Variants in CSMD2 observed in about 807,000 individuals in gnomAD.
CSMD2 encodes the protein CUB and sushi domain-containing protein 2.
A neutral mutation model predicts 398.5 loss-of-function variants in CSMD2; 130 were observed. The observed-to-expected ratio is 0.33, with a 90% CI of 0.28 to 0.38. The LOEUF (loss-of-function observed/expected upper bound fraction) is 0.38, where lower values mean the gene tolerates loss of function less well. Ranked by LOEUF, CSMD2 falls within the 10% of genes least tolerant of loss-of-function variation. The probability of loss-of-function intolerance (pLI) is 1.00; values close to 1 mark genes in which losing one functional copy is unlikely to be tolerated. For synonymous variants in CSMD2, 1,828 were observed against 1,908.5 expected (o/e 0.96, Z 1.10); for missense variants, 3,829 against 4,764.9 (o/e 0.80, Z 5.78).
At chr1:33,607,900 G>T (rs1168520308) in intron 41 of CSMD2, among the ~76,000 whole-genome samples, 1 of 152,210 alleles carries the variant, frequency 6.6e-6, no homozygotes, top group South Asian at 2.1e-4. Flanking sequence ...CCAACTCCTG[G>T]TGGAGGAGCT....
rs978947366 is a variant in CSMD2 at position 33,667,959 on chromosome 1, A to C, written c.4053-4867T>G. ...GCAATAACCCCCCAGACACAAACTC[A>C]CTAAAAAATTATCAGCTGTGTCTAG... On this transcript the variant is annotated intron_variant, in intron 25 of 70. Coordinates refer to ENST00000373381, the MANE Select transcript of CSMD2 (RefSeq NM_001281956.2). Among the ~76,000 whole-genome samples the C allele has an allele frequency of 2.5e-4, 38 of 152,188 alleles. No homozygotes were observed. In the South Asian group the frequency reaches 4.1e-3, roughly 17 times the overall value.
chr1:33,761,765 AACAAT>A (rs1649844558), intron 13 of CSMD2, among the ~76,000 whole-genome samples: 1 of 152,198 alleles, frequency 6.6e-6, no homozygotes, highest in Non-Finnish European at 1.5e-5. Context: ...AAGACTGGAA[AACAAT>A]ACATGCTGAT....
chr1:33,524,933 T>C lies in CSMD2; in HGVS notation c.10345A>G (p.Lys3449Glu). Reference protein sequence around the residue: ...RVTGFQVANSKVNATMIDHSG... With the variant: ...RVTGFQVANSEVNATMIDHSG... ...TGGTCGATCATGGTGGCATTGACCT[T>C]GCTGTTGGCAACTTGGAAGCCAGTC... Residue 3449 changes from lysine (K) to glutamate (E), a missense_variant, in exon 66 of 71, where the codon AAG (lysine) becomes GAG (glutamate). Coordinates refer to ENST00000373381, the MANE Select transcript of CSMD2 (RefSeq NM_001281956.2). The C allele has an allele frequency of 1.2e-6, 2 of 1,614,222 alleles. No homozygotes were observed. The highest frequency in any genetic ancestry group is 1.7e-6 in the Non-Finnish European group (2 of 1,180,024).
intron 3 of CSMD2, among the ~76,000 whole-genome samples, chr1:33,937,530 T>C (rs1196115999): frequency 1.3e-5 from 2 of 152,210 alleles, no homozygotes; most frequent in Admixed American, 1.3e-4. Flanking sequence ...CCTGCCAATG[T>C]TGCTGTTAGT....
At chr1:33,655,275 TTTGGGCC>T (rs1643913390) in intron 27 of CSMD2, among the ~76,000 whole-genome samples, 1 of 152,186 alleles carries the variant, frequency 6.6e-6, no homozygotes, top group East Asian at 1.9e-4. Flanking sequence ...GCTGTGTGAG[TTTGGGCC>T]AGCTGTCCAC....
chr1:34,114,041 C>T (rs1029179938), intron 1 of CSMD2, among the ~76,000 whole-genome samples: 16 of 152,136 alleles, frequency 1.1e-4, no homozygotes, highest in African/African-American at 3.1e-4. Context: ...TGCCTGGGGG[C>T]CATGGAGAAC....
chr1:33,534,184 G>A (rs1389304957), intron 62 of CSMD2, among the ~76,000 whole-genome samples: 1 of 152,140 alleles, frequency 6.6e-6, no homozygotes, highest in African/African-American at 2.4e-5. Flanking sequence ...CTGGATCCGA[G>A]TTCTGGCTTC....
At chr1:33,944,752 GAACAGCCGGGCT>G (rs1411259432) in intron 3 of CSMD2, among the ~76,000 whole-genome samples, 1 of 152,138 alleles carries the variant, frequency 6.6e-6, no homozygotes, top group Non-Finnish European at 1.5e-5. Context: ...GGAAACTGAG[GAACAGCCGGGCT>G]AACTCTTACC....
In CSMD2 at chr1:33,638,944, G is replaced by A. The variant is rs141226990; in HGVS notation, c.4775-2390C>T. On this transcript the variant is annotated intron_variant, in intron 29 of 70. Transcript: ENST00000373381. ...GAATATAGATTTCAGAAGGGCAGCT[G>A]TTCAGTTTTGTTCACGGCCATATTC... Among the ~76,000 whole-genome samples the A allele has an allele frequency of 4.6e-5, 7 of 152,314 alleles. No individual in the cohort carries two copies. In the East Asian group the frequency reaches 1.2e-3, roughly 25 times the overall value.
intron 3 of CSMD2, among the ~76,000 whole-genome samples, chr1:33,985,563 G>A (rs778067966): frequency 8.5e-5 from 13 of 152,230 alleles, no homozygotes; most frequent in Non-Finnish European, 1.8e-4. Context: ...AAACGTACCC[G>A]AGTGTGAATC....
At chr1:33,698,006 G>C (rs948016091) in intron 24 of CSMD2, among the ~76,000 whole-genome samples, 1 of 152,212 alleles carries the variant, frequency 6.6e-6, no homozygotes, top group Non-Finnish European at 1.5e-5. Context: ...TGGAGAGAGA[G>C]ACAGATCTGG....
At chr1:33,904,078 T>A (rs1570453493) in intron 5 of CSMD2, among the ~76,000 whole-genome samples, 1 of 152,036 alleles carries the variant, frequency 6.6e-6, no homozygotes, top group Non-Finnish European at 1.5e-5. Flanking sequence ...CAATGTAGGG[T>A]CTTGTAGGAT....
intron 3 of CSMD2, among the ~76,000 whole-genome samples, chr1:33,979,927 T>C (rs1646104527): frequency 6.6e-6 from 1 of 152,152 alleles, no homozygotes; most frequent in South Asian, 2.1e-4. Flanking sequence ...AGATTGACTA[T>C]TGTTATTTTT....
chr1:33,622,660 T>C (rs373142524), intron 36 of CSMD2, among the ~76,000 whole-genome samples: 7 of 152,228 alleles, frequency 4.6e-5, no homozygotes, highest in East Asian at 3.9e-4. Flanking sequence ...CCTAGAGTTC[T>C]GGGCCTAAAA....
At chr1:33,690,250 C>T (rs920511507) in intron 25 of CSMD2, among the ~76,000 whole-genome samples, 3 of 152,212 alleles carry the variant, frequency 2.0e-5, no homozygotes, top group African/African-American at 7.2e-5. Flanking sequence ...TTTCCAGCTC[C>T]TTGAGGCTGA....
chr1:34,084,048 T>A (rs999930901), intron 2 of CSMD2, among the ~76,000 whole-genome samples: 1 of 151,274 alleles, frequency 6.6e-6, no homozygotes. Flanking sequence ...GTGAAATGAA[T>A]TAGAATAAGC....
At chr1:33,981,343 T>C (rs951610030) in intron 3 of CSMD2, among the ~76,000 whole-genome samples, 3 of 152,224 alleles carry the variant, frequency 2.0e-5, no homozygotes, top group Admixed American at 6.5e-5. Flanking sequence ...CCCTCAGCTC[T>C]GTATAGTCCC....
chr1:33,552,813 G>A (rs1657586172), intron 55 of CSMD2, among the ~76,000 whole-genome samples: 1 of 152,136 alleles, frequency 6.6e-6, no homozygotes, highest in South Asian at 2.1e-4. Context: ...TTTAAGGGCT[G>A]CTTGGGAATG....
chr1:34,107,626 G>A (rs549585977), intron 1 of CSMD2, among the ~76,000 whole-genome samples: 1 of 152,278 alleles, frequency 6.6e-6, no homozygotes, highest in African/African-American at 2.4e-5. Context: ...GATGATGGAT[G>A]GATAGGTGGG....
Sources: gnomAD v4.1 joint callset for allele counts (sites outside exome capture counted in the v4.1 genomes callset) on GRCh38, gnomAD v4.1.1 for gene constraint, MANE v1.5 for transcripts, NCBI Gene and HGNC (gene_info 2026-07-23, HGNC 2026-07-21) for gene names.